ALDH18A1: variants seen among roughly 807,000 people sequenced by gnomAD.
The protein encoded by ALDH18A1 is delta-1-pyrroline-5-carboxylate synthase.
A neutral mutation model predicts 88.8 loss-of-function variants in ALDH18A1; 44 were observed. The ratio of observed to expected loss-of-function variants is 0.50; its 90% confidence interval spans 0.39 to 0.64. The LOEUF (loss-of-function observed/expected upper bound fraction) is 0.64. Ranked by LOEUF, ALDH18A1 falls within the 30% of genes least tolerant of loss-of-function variation. ALDH18A1 has a pLI of 0.00. For missense variants in ALDH18A1, 782 were observed against 1,009.5 expected (o/e 0.77, Z 3.05); for synonymous variants, 331 against 372.1 (o/e 0.89, Z 1.27).
rs1208309079 is a variant in ALDH18A1, at chr10:95,621,268, A to T, written c.1247-17T>A. ...CAAGTCTCCCTGAAAAGCCATTAAG[A>T]GGATATGATAAAGTAGCAGACCTGG... is the stretch of plus-strand genomic sequence containing the variant. On this transcript the variant is annotated splice_polypyrimidine_tract_variant and intron_variant, in intron 11 of 17. Transcript: ENST00000371224. 1 of 1,599,848 alleles carries T rather than the reference A, an allele frequency of 6.3e-7. No individual in the cohort carries two copies. Among genetic ancestry groups the T allele is most frequent in the Non-Finnish European group, 8.5e-7 (1 of 1,171,756 alleles).
Position 95,626,839 on chromosome 10 carries a change from T to G in ALDH18A1, c.1079-63A>C, listed in dbSNP as rs1318104152. 59 of 1,550,690 alleles carry G rather than the reference T, an allele frequency of 3.8e-5. 1 individual carries two copies. The South Asian group carries it at 5.9e-4, about 16-fold the overall frequency. ...TTAGTTCTCTCTCTAGTTCTACTAC[T>G]AGAGAGAGAACTACCAGCACATGCA... is the stretch of plus-strand genomic sequence containing the variant. On this transcript the variant is annotated intron_variant, in intron 9 of 17. Transcript: ENST00000371224.
chr10:95,611,131 A>T, intron 16 of ALDH18A1, 125 bp downstream of exon 16: 1 of 1,118,994 alleles, frequency 8.9e-7, no homozygotes, highest in Non-Finnish European at 1.3e-6. Context: ...AAATGCAACC[A>T]CTACTAAACA....
At chr10:95,613,368 GT>G (rs1269639763) in intron 15 of ALDH18A1, among the ~76,000 whole-genome samples, 1 of 152,144 alleles carries the variant, frequency 6.6e-6, no homozygotes. Context: ...TAAGTTTTTG[GT>G]TTGAAACGTT....
rs1353269310 is a variant in ALDH18A1, at chr10:95,614,030, G to A, written c.1737C>T (p.His579=). 6.2e-7 allele frequency: 1 copy of A among 1,614,170 alleles called. No individual in the cohort carries two copies. The highest frequency in any genetic ancestry group is 8.5e-7 in the Non-Finnish European group (1 of 1,180,034). The change falls in exon 14 of 18, where the codon CAC becomes CAT. Residue 579 remains histidine (H), a synonymous_variant. Coordinates refer to ENST00000371224, the MANE Select transcript of ALDH18A1 (RefSeq NM_002860.4). ...CATACATGTGACAGATCCCTTCGCTGTGCCCCATCACTGGAATCCCCTTAG... is the reference window on the plus strand; with the variant it reads ...CATACATGTGACAGATCCCTTCGCTATGCCCCATCACTGGAATCCCCTTAG... The part of the protein sequence containing the change: ...KAAKGIPVMG[H]SEGICHMYVD...
intron 11 of ALDH18A1, among the ~76,000 whole-genome samples, chr10:95,623,983 G>A (rs984108099): frequency 1.3e-5 from 2 of 152,064 alleles, no homozygotes; most frequent in African/African-American, 4.8e-5. Context: ...TTACAGGCAT[G>A]AGCCACTGCG....
At chr10:95,634,004 G>A (rs1016355564) in intron 5 of ALDH18A1, among the ~76,000 whole-genome samples, 2 of 151,672 alleles carry the variant, frequency 1.3e-5, no homozygotes, top group African/African-American at 2.4e-5. Flanking sequence ...ACAGGGTTTC[G>A]CCATGTTGGC....
At chr10:95,629,704 T>A (rs754568836) in intron 7 of ALDH18A1, among the ~76,000 whole-genome samples, 1 of 152,126 alleles carries the variant, frequency 6.6e-6, no homozygotes, top group Admixed American at 6.6e-5. Flanking sequence ...GAGGGGTTCC[T>A]AGCATTCTGA....
intron 12 of ALDH18A1, among the ~76,000 whole-genome samples, chr10:95,618,884 G>A (rs954257432): frequency 1.9e-4 from 29 of 152,172 alleles, no homozygotes; most frequent in African/African-American, 6.8e-4. Flanking sequence ...AGGTGTGACA[G>A]GAATATTACC....
At chr10:95,621,415 G>A (rs559664899) in intron 11 of ALDH18A1, among the ~76,000 whole-genome samples, 164 bp from the exon 12 acceptor site, 40 of 151,736 alleles carry the variant, frequency 2.6e-4, no homozygotes, top group African/African-American at 9.7e-4. Context: ...TGCCTCCTGG[G>A]TTCAAGCGAT....
chr10:95,640,977 C>A (rs953818779), intron 3 of ALDH18A1, among the ~76,000 whole-genome samples: 4 of 152,328 alleles, frequency 2.6e-5, no homozygotes, highest in Non-Finnish European at 4.4e-5. Context: ...GAGACCACCA[C>A]CTCTGCTTTC....
intron 7 of ALDH18A1, among the ~76,000 whole-genome samples, chr10:95,629,718 T>C (rs1232690455): frequency 1.3e-5 from 2 of 152,154 alleles, no homozygotes; most frequent in Non-Finnish European, 2.9e-5. Flanking sequence ...ATTCTGATAA[T>C]GTGCCTACTC....
intron 5 of ALDH18A1, among the ~76,000 whole-genome samples, chr10:95,636,765 A>T (rs1295318763): frequency 1.3e-5 from 2 of 152,264 alleles, no homozygotes; most frequent in Non-Finnish European, 2.9e-5. Flanking sequence ...CTCTGTCTTC[A>T]GAAGTGTTAG....
chr10:95,615,445 C>T (rs966837437), intron 13 of ALDH18A1, among the ~76,000 whole-genome samples: 1 of 152,020 alleles, frequency 6.6e-6, no homozygotes, highest in African/African-American at 2.4e-5. Flanking sequence ...GGGGGCCCTC[C>T]AGGATGTTGG....
intron 7 of ALDH18A1, among the ~76,000 whole-genome samples, chr10:95,629,310 T>C (rs1566021203): frequency 6.6e-6 from 1 of 152,128 alleles, no homozygotes. Context: ...TGGGCAGTGA[T>C]TTTTCTGGTC....
chr10:95,645,345 A>G (rs975042335), intron 2 of ALDH18A1, among the ~76,000 whole-genome samples: 1 of 152,206 alleles, frequency 6.6e-6, no homozygotes. Context: ...CTATAACTTT[A>G]TTAGAGAGTT....
chr10:95,647,993 T>C (rs1192988892), intron 2 of ALDH18A1, among the ~76,000 whole-genome samples: 1 of 152,166 alleles, frequency 6.6e-6, no homozygotes, highest in Non-Finnish European at 1.5e-5. Flanking sequence ...AATTGGTAAA[T>C]CTAAGTGTTT....
At chr10:95,612,544 T>C (rs2097837054) in intron 15 of ALDH18A1, among the ~76,000 whole-genome samples, 1 of 152,222 alleles carries the variant, frequency 6.6e-6, no homozygotes, top group African/African-American at 2.4e-5. Context: ...TTCTTCTGTG[T>C]TCCTTGGGGA....
At chr10:95,633,419 G>T in intron 6 of ALDH18A1, 72 bp downstream of exon 6, 1 of 1,567,888 alleles carries the variant, frequency 6.4e-7, no homozygotes. Flanking sequence ...CAAACTTCTG[G>T]TGTTAGTGCA....
At chr10:95,653,562 AAG>A (rs2097913643) in intron 1 of ALDH18A1, among the ~76,000 whole-genome samples, 157 bp from the exon 2 acceptor site, 1 of 152,152 alleles carries the variant, frequency 6.6e-6, no homozygotes, top group African/African-American at 2.4e-5. Flanking sequence ...TATTATAGAA[AAG>A]AGAGAAAAAG....
Sources: gnomAD v4.1 joint callset for allele counts (sites outside exome capture counted in the v4.1 genomes callset) on GRCh38, gnomAD v4.1.1 for gene constraint, MANE v1.5 for transcripts, NCBI Gene and HGNC (gene_info 2026-07-23, HGNC 2026-07-21) for gene names.